Variants in B3GALT5 observed in about 807,000 individuals in gnomAD.
The protein encoded by B3GALT5 is UDP-Gal:betaGlcNAc beta 1,3-galactosyltransferase, polypeptide 5.
For missense variants in B3GALT5, 328 were observed against 396.6 expected (o/e 0.83, Z 1.47); for synonymous variants, 156 against 158.6 (o/e 0.98, Z 0.12).
chr21:39,659,817 C>G lies in B3GALT5; in HGVS notation c.-96C>G, dbSNP rs186307297. ...AGCCCAGAACCTGATAATTATGGAG[C>G]ATTCTACACTGACAGTTCTTTGAGA... On this transcript the variant is annotated 5_prime_UTR_variant, in exon 3 of 4. Transcript: ENST00000684187. 1.3e-4 allele frequency: 131 copies of G among 984,656 alleles called. No individual in the cohort carries two copies. The African/African-American group carries it at 1.9e-3, about 15-fold the overall frequency. The allele number at this position is 984,656 out of a possible 1,614,324, so 61.0% of individuals were successfully genotyped here. A position where few individuals can be genotyped will look rare whatever the true frequency, so the allele number is the denominator to read the frequency against.
At chr21:39,637,478 C>T (rs536340631) in intron 1 of B3GALT5, among the ~76,000 whole-genome samples, 2 of 152,356 alleles carry the variant, frequency 1.3e-5, no homozygotes, top group South Asian at 2.1e-4. Context: ...AGGCTTACGA[C>T]GTTTTCAACT....
chr21:39,658,308 C>T (rs916904214), intron 2 of B3GALT5, among the ~76,000 whole-genome samples: 1 of 152,156 alleles, frequency 6.6e-6, no homozygotes, highest in African/African-American at 2.4e-5. Flanking sequence ...TTGGCCAATG[C>T]ACTGCATGAG....
At chr21:39,621,215 A>G (rs1224099442) in intron 1 of B3GALT5, among the ~76,000 whole-genome samples, 1 of 152,220 alleles carries the variant, frequency 6.6e-6, no homozygotes. Context: ...CCCTTTGTCA[A>G]ATTAAGAAAG....
chr21:39,646,151 C>T (rs1250619605), intron 1 of B3GALT5, among the ~76,000 whole-genome samples: 1 of 152,082 alleles, frequency 6.6e-6, no homozygotes, highest in Non-Finnish European at 1.5e-5. Context: ...GGCAGGCTGC[C>T]TCTGCAGCTT....
intron 1 of B3GALT5, chr21:39,630,178 CA>C (rs1429607691): frequency 6.6e-6 from 1 of 152,158 alleles, no homozygotes; most frequent in Non-Finnish European, 1.5e-5. Flanking sequence ...ACAAACCCAT[CA>C]ATGTTTAACA....
At position 39,668,394 on chromosome 21, in the gene B3GALT5, T is replaced by G. The variant is rs991916186; in HGVS notation, c.*6902T>G. ...TCAGGATATATATTCCAAATATCCC[T>G]GATTTGGGGGGCAAGGTCTGTGTGT... On this transcript the variant is annotated 3_prime_UTR_variant, in exon 4 of 4. Transcript: ENST00000684187. The G allele has an allele frequency of 1.3e-5, 2 of 152,190 alleles. No individual in the cohort carries two copies. The highest frequency in any genetic ancestry group is 4.8e-5 in the African/African-American group (2 of 41,436). The allele number at this position is 152,190 out of a possible 1,614,324, so 9.4% of individuals were successfully genotyped here.
At chr21:39,653,999 T>C in intron 2 of B3GALT5, among the ~76,000 whole-genome samples, 1 of 152,336 alleles carries the variant, frequency 6.6e-6, no homozygotes, top group East Asian at 1.9e-4. Context: ...GATACAATAA[T>C]TTTTTGCAAT....
rs1325359941 is a variant in B3GALT5, at chr21:39,667,680, C to T, written c.*6188C>T. 1 of 152,182 alleles carries T rather than the reference C, an allele frequency of 6.6e-6. No individual in the cohort carries two copies. Among genetic ancestry groups the T allele is most frequent in the African/African-American group, 2.4e-5 (1 of 41,434 alleles). The allele number at this position is 152,182 out of a possible 1,614,324, so 9.4% of individuals were successfully genotyped here. On this transcript the variant is annotated 3_prime_UTR_variant, in exon 4 of 4. Coordinates refer to ENST00000684187, the MANE Select transcript of B3GALT5 (RefSeq NM_001356336.2). ...GGCAGGAGCCATGGAAAATAGAGACCCACCCGGTAAGGAGGTAACTGGGAC... is the reference window on the plus strand; with the variant it reads ...GGCAGGAGCCATGGAAAATAGAGACTCACCCGGTAAGGAGGTAACTGGGAC...
At chr21:39,639,400 T>C (rs796194620) in intron 1 of B3GALT5, among the ~76,000 whole-genome samples, 1,043 of 56,886 alleles carry the variant, frequency 0.018, 45 homozygotes, top group East Asian at 0.045. Context: ...CCTTCTTTCT[T>C]TTTCTTTCTT....
chr21:39,618,200 A>G (rs892080580), intron 1 of B3GALT5, among the ~76,000 whole-genome samples: 1 of 152,134 alleles, frequency 6.6e-6, no homozygotes, highest in African/African-American at 2.4e-5. Flanking sequence ...TGGCTCAGCT[A>G]TTGTTTTGTT....
At position 39,659,902 on chromosome 21, in the gene B3GALT5, C is replaced by T. The variant is rs2079492966; in HGVS notation, c.-11C>T. 6.1e-6 allele frequency: 6 copies of T among 985,212 alleles called. No homozygotes were observed. In the African/African-American group the frequency reaches 1.0e-4, roughly 17 times the overall value. The allele number at this position is 985,212 out of a possible 1,614,324, so 61.0% of individuals were successfully genotyped here. ...GCTTTCAAACCAGAGGTTCCTCTTA[C>T]CCAGCAAAAAGTGAGTTATACGCTT... On this transcript the variant is annotated 5_prime_UTR_variant, in exon 3 of 4. Transcript: ENST00000684187.
At chr21:39,643,213 C>T (rs1051593875) in intron 1 of B3GALT5, among the ~76,000 whole-genome samples, 1 of 151,952 alleles carries the variant, frequency 6.6e-6, no homozygotes, top group African/African-American at 2.4e-5. Flanking sequence ...AGATGGGCAG[C>T]ATCGCAGGAT....
chr21:39,651,690 A>G (rs902064327), intron 2 of B3GALT5, among the ~76,000 whole-genome samples: 4 of 152,182 alleles, frequency 2.6e-5, no homozygotes, highest in Non-Finnish European at 5.9e-5. Context: ...CACCAAAAGA[A>G]ATCACTTATT....
rs187629810 is a variant in B3GALT5, at chr21:39,625,950, T to C, written c.-392+12883T>C. Among the ~76,000 whole-genome samples the C allele has an allele frequency of 3.2e-4, 49 of 152,360 alleles. 1 individual carries two copies. Among genetic ancestry groups the C allele is most frequent in the African/African-American group, 1.1e-3 (46 of 41,586 alleles). On this transcript the variant is annotated intron_variant, in intron 1 of 3. Transcript: ENST00000684187. Reference sequence around the variant, plus strand: ...TAAAATTGTGGTAAAATAGACATAATGTAAATGTACCATTTTAACGACAGT... The same window carrying C: ...TAAAATTGTGGTAAAATAGACATAACGTAAATGTACCATTTTAACGACAGT...
chr21:39,640,041 G>A (rs2079277625), intron 1 of B3GALT5, among the ~76,000 whole-genome samples: 1 of 150,608 alleles, frequency 6.6e-6, no homozygotes, highest in Non-Finnish European at 1.5e-5. Flanking sequence ...AAGGATACCT[G>A]AAGCTCCTGT....
chr21:39,661,090 C>T lies in B3GALT5; in HGVS notation c.531C>T (p.Thr177=), dbSNP rs750726351. Residue 177 remains threonine, a synonymous_variant, in exon 4 of 4, where the codon ACC becomes ACT. Transcript: ENST00000684187. This position sits in a 1 kb window ranked among gnomAD's most constrained non-coding sequence, Gnocchi z 4.7. ...TELLLKKNRT[T]RFFTGFLKLN... The stretch of plus-strand genomic sequence containing the variant: ...TGCTTCTGAAGAAAAACAGAACAAC[C>T]AGGTTTTTCACTGGCTTCTTGAAAC... The T allele has an allele frequency of 1.2e-6, 2 of 1,614,148 alleles. No homozygotes were observed. Among genetic ancestry groups the T allele is most frequent in the Admixed American group, 1.7e-5 (1 of 60,020 alleles).
At chr21:39,640,691 ATT>A (rs574265463) in intron 1 of B3GALT5, among the ~76,000 whole-genome samples, 2 of 146,138 alleles carry the variant, frequency 1.4e-5, no homozygotes, top group Admixed American at 1.4e-4. Flanking sequence ...AATCCATTCT[ATT>A]TTTTTTTTTT....
At chr21:39,614,397 C>T (rs921508838) in intron 1 of B3GALT5, among the ~76,000 whole-genome samples, 4 of 151,976 alleles carry the variant, frequency 2.6e-5, no homozygotes, top group Non-Finnish European at 4.4e-5. Context: ...AGTGTGAGGC[C>T]CATGGACGTT....
intron 1 of B3GALT5, among the ~76,000 whole-genome samples, chr21:39,638,153 A>G (rs1184251366): frequency 6.6e-6 from 1 of 152,184 alleles, no homozygotes; most frequent in African/African-American, 2.4e-5. Flanking sequence ...TTAGGGCTCC[A>G]TCCCTAGGCC....
Sources: gnomAD v4.1 joint callset for allele counts (sites outside exome capture counted in the v4.1 genomes callset) on GRCh38, gnomAD v4.1.1 for gene constraint, Gnocchi (gnomAD v3.1) non-coding constraint, MANE v1.5 for transcripts, NCBI Gene and HGNC (gene_info 2026-07-23, HGNC 2026-07-21) for gene names.